The following KCNMA1 variants were observed in gnomAD, a reference collection of about 807,000 sequenced individuals.
KCNMA1 encodes potassium calcium-activated channel subfamily M alpha 1.
A neutral mutation model predicts 140.0 loss-of-function variants in KCNMA1; 29 were observed. The ratio of observed to expected loss-of-function variants is 0.21; its 90% CI spans 0.15 to 0.28. The LOEUF is 0.28. Ranked by LOEUF, KCNMA1 falls within the 10% of genes least tolerant of loss-of-function variation. The probability of loss-of-function intolerance (pLI) is 1.00; values close to 1 mark genes in which losing one functional copy is unlikely to be tolerated. For missense variants in KCNMA1, 880 were observed against 1,602.2 expected, an observed-to-expected ratio of 0.55 and a Z score of 7.70; for synonymous variants, 612 against 611.9, an observed-to-expected ratio of 1.00 and a Z score of 0.00.
At chr10:77,078,996 C>T (rs1469622536) in intron 13 of KCNMA1, among the ~76,000 whole-genome samples, 4 of 152,274 alleles carry the variant, frequency 2.6e-5, no homozygotes, top group African/African-American at 4.8e-5. Flanking sequence ...GGGCCAGAGG[C>T]GTGGTGGCTC....
chr10:76,937,152 C>G (rs2060779392), intron 23 of KCNMA1, among the ~76,000 whole-genome samples: 1 of 152,182 alleles, frequency 6.6e-6, no homozygotes, highest in African/African-American at 2.4e-5. Flanking sequence ...TGCAGGCTGT[C>G]CATGCTGTTC....
At chr10:77,224,741 C>A (rs943468417) in intron 3 of KCNMA1, among the ~76,000 whole-genome samples, 1 of 152,164 alleles carries the variant, frequency 6.6e-6, no homozygotes, top group South Asian at 2.1e-4. Context: ...CACCCATTCC[C>A]TATGTGACTC....
intron 1 of KCNMA1, among the ~76,000 whole-genome samples, chr10:77,464,168 T>G (rs961270789): frequency 6.6e-6 from 1 of 152,214 alleles, no homozygotes. Flanking sequence ...CAGGACTTGC[T>G]TGACCTCTCT....
intron 1 of KCNMA1, among the ~76,000 whole-genome samples, chr10:77,467,186 ACT>A (rs1405074217): frequency 1.3e-5 from 2 of 151,918 alleles, no homozygotes; most frequent in African/African-American, 4.8e-5. Flanking sequence ...TTTTAAAAAA[ACT>A]CTTACATTGC....
At chr10:77,528,180 A>G (rs947329516) in intron 1 of KCNMA1, among the ~76,000 whole-genome samples, 1 of 152,212 alleles carries the variant, frequency 6.6e-6, no homozygotes, top group Admixed American at 6.5e-5. Context: ...TGCACCCAAC[A>G]GAGCAAGTAA....
intron 21 of KCNMA1, among the ~76,000 whole-genome samples, chr10:76,952,675 T>C (rs1337141475): frequency 6.6e-6 from 1 of 152,228 alleles, no homozygotes; most frequent in East Asian, 1.9e-4. Flanking sequence ...AGCCTCCAGC[T>C]TGATACTGTA....
intron 1 of KCNMA1, among the ~76,000 whole-genome samples, chr10:77,618,911 G>A (rs562040740): frequency 2.0e-5 from 3 of 152,318 alleles, no homozygotes; most frequent in African/African-American, 7.2e-5. Flanking sequence ...AGGAGGACAA[G>A]AAAAGAGAAG....
intron 2 of KCNMA1, among the ~76,000 whole-genome samples, chr10:77,252,674 A>G (rs1398468663): frequency 1.3e-5 from 2 of 152,112 alleles, no homozygotes; most frequent in Non-Finnish European, 2.9e-5. Context: ...AGAAAATGAA[A>G]TCTGCATGAG....
At chr10:77,424,280 C>T (rs1031364709) in intron 1 of KCNMA1, among the ~76,000 whole-genome samples, 55 of 152,196 alleles carry the variant, frequency 3.6e-4, no homozygotes, top group African/African-American at 1.2e-3. Context: ...ACTTATAAAG[C>T]ATTATATGCC....
chr10:77,406,884 G>A (rs2096487816), intron 1 of KCNMA1, among the ~76,000 whole-genome samples: 1 of 152,114 alleles, frequency 6.6e-6, no homozygotes, highest in Admixed American at 6.5e-5. Context: ...CTCAGTCCTG[G>A]GGGCCCAAGT....
intron 1 of KCNMA1, among the ~76,000 whole-genome samples, chr10:77,525,673 A>G (rs2055327200): frequency 6.6e-6 from 1 of 152,166 alleles, no homozygotes; most frequent in African/African-American, 2.4e-5. Context: ...ATTGAAGAAG[A>G]TTGTCTCTAA....
intron 3 of KCNMA1, among the ~76,000 whole-genome samples, chr10:77,232,228 G>A (rs191109920): frequency 1.4e-4 from 22 of 152,266 alleles, no homozygotes; most frequent in Admixed American, 9.2e-4. Flanking sequence ...ATGTTCAAGC[G>A]CAAGTTTTGT....
chr10:77,333,941 T>A (rs1033600524), intron 2 of KCNMA1, among the ~76,000 whole-genome samples: 2 of 152,180 alleles, frequency 1.3e-5, no homozygotes, highest in Non-Finnish European at 2.9e-5. Flanking sequence ...GATTTCAGTA[T>A]ATGCAATTGT....
At chr10:76,983,402 T>C (rs1028497477) in intron 19 of KCNMA1, among the ~76,000 whole-genome samples, 1 of 152,202 alleles carries the variant, frequency 6.6e-6, no homozygotes, top group African/African-American at 2.4e-5. Context: ...ATACTGCCTA[T>C]GCTTCCAAAG....
At chr10:77,129,868 T>C (rs1037193208) in intron 5 of KCNMA1, among the ~76,000 whole-genome samples, 1 of 151,982 alleles carries the variant, frequency 6.6e-6, no homozygotes, top group African/African-American at 2.4e-5. Flanking sequence ...TTCTGAAAAA[T>C]ATAAACTTCG....
intron 12 of KCNMA1, among the ~76,000 whole-genome samples, chr10:77,083,958 G>GA (rs1277583780): frequency 1.3e-5 from 2 of 152,126 alleles, no homozygotes; most frequent in Non-Finnish European, 1.5e-5. Context: ...TAAAAGCACT[G>GA]AAAAGCCTTT....
chr10:76,908,177 G>A (rs897411783), intron 25 of KCNMA1, among the ~76,000 whole-genome samples: 2 of 152,176 alleles, frequency 1.3e-5, no homozygotes, highest in African/African-American at 4.8e-5. Context: ...TGAGGCCTAT[G>A]ACTGAGAATA....
chr10:77,268,579 A>T (rs1393286818), intron 2 of KCNMA1, among the ~76,000 whole-genome samples: 1 of 152,178 alleles, frequency 6.6e-6, no homozygotes, highest in Non-Finnish European at 1.5e-5. Flanking sequence ...AAAGCAGTCC[A>T]TAAAACACAG....
chr10:77,259,617 C>T (rs1055917599), intron 2 of KCNMA1, among the ~76,000 whole-genome samples: 6 of 152,288 alleles, frequency 3.9e-5, no homozygotes, highest in African/African-American at 1.4e-4. Context: ...CAGTTATTCT[C>T]ATTCTCCATT....
Sources: allele counts gnomAD v4.1 joint callset (sites outside exome capture counted in the v4.1 genomes callset), GRCh38; gene constraint gnomAD v4.1.1; transcripts MANE v1.5; gene names NCBI Gene and HGNC (gene_info 2026-07-23, HGNC 2026-07-21).